PRKCA: variants seen among roughly 807,000 people sequenced by gnomAD.
The protein encoded by PRKCA is protein kinase C alpha type.
Under a neutral mutation model 87.0 loss-of-function variants are expected in PRKCA, and 27 were observed. That is an observed-to-expected ratio of 0.31 (90% confidence interval 0.23 to 0.43). The LOEUF (loss-of-function observed/expected upper bound fraction) is 0.43, where lower values mean the gene tolerates loss of function less well. PRKCA is among the 20% of genes least tolerant of loss of function. The pLI is 1.00. For synonymous variants in PRKCA, 329 were observed against 311.1 expected, an observed-to-expected ratio of 1.06 and a Z score of -0.61; for missense variants, 518 against 852.3, an observed-to-expected ratio of 0.61 and a Z score of 4.88.
intron 3 of PRKCA, among the ~76,000 whole-genome samples, chr17:66,501,039 A>G (rs781432708): frequency 1.3e-5 from 2 of 152,118 alleles, no homozygotes; most frequent in Non-Finnish European, 2.9e-5. Flanking sequence ...TGAGCTTGGC[A>G]GACTCTAACA....
rs1976101917 is a variant in PRKCA at position 66,808,802 on chromosome 17, C to T, written c.*4765C>T. ...CTCGGCTCACTGCAACCTCCACCTCCCAGGTTCAAGCGATTCTCCTGCCTC... is the reference window on the plus strand; with the variant it reads ...CTCGGCTCACTGCAACCTCCACCTCTCAGGTTCAAGCGATTCTCCTGCCTC... On this transcript the variant is annotated 3_prime_UTR_variant, in exon 17 of 17. Coordinates refer to ENST00000413366, the MANE Select transcript of PRKCA (RefSeq NM_002737.3). The T allele has an allele frequency of 6.6e-6, 1 of 152,452 alleles. No homozygotes were observed. The highest frequency in any genetic ancestry group is 2.1e-4 in the South Asian group (1 of 4,828). The allele number at this position is 152,452 out of a possible 1,614,324, so 9.4% of individuals were successfully genotyped here. A position where few individuals can be genotyped will look rare whatever the true frequency, so the allele number is the denominator to read the frequency against.
At position 66,473,801 on chromosome 17, in the gene PRKCA, G is replaced by A. The variant is rs1026954198; in HGVS notation, c.206-22400G>A. Among the ~76,000 whole-genome samples the A allele has an allele frequency of 3.3e-5, 5 of 152,102 alleles. No homozygotes were observed. In the South Asian group the frequency reaches 1.0e-3, roughly 32 times the overall value. The stretch of plus-strand genomic sequence containing the variant: ...AATACAAAATCAGCTGGGCATGGTG[G>A]CACATGCCTGTAATCCTAGCTACTC... On this transcript the variant is annotated intron_variant, in intron 2 of 16. Coordinates refer to ENST00000413366, the MANE Select transcript of PRKCA (RefSeq NM_002737.3).
intron 8 of PRKCA, among the ~76,000 whole-genome samples, chr17:66,704,159 T>TAAAAAAAAAA (rs60117629): frequency 7.1e-6 from 1 of 140,904 alleles, no homozygotes. Context: ...TCAGCAAAGT[T>TAAAAAAAAAA]AAAAAAAAAA....
intron 2 of PRKCA, among the ~76,000 whole-genome samples, chr17:66,406,085 C>A (rs1911354018): frequency 6.6e-6 from 1 of 152,184 alleles, no homozygotes; most frequent in Admixed American, 6.5e-5. Context: ...GTGATGGGAG[C>A]TGGCAGAAGC....
At chr17:66,398,838 T>C (rs1910839934) in intron 2 of PRKCA, among the ~76,000 whole-genome samples, 2 of 152,238 alleles carry the variant, frequency 1.3e-5, no homozygotes, top group African/African-American at 4.8e-5. Context: ...ATCCTGCTGC[T>C]GCTAAAAGCT....
At chr17:66,732,184 T>G (rs570321970) in intron 8 of PRKCA, among the ~76,000 whole-genome samples, 2 of 151,356 alleles carry the variant, frequency 1.3e-5, no homozygotes, top group Non-Finnish European at 2.9e-5. Context: ...AAAATAGCGA[T>G]GAATCATCCC....
At chr17:66,782,746 G>A (rs989193246) in intron 14 of PRKCA, among the ~76,000 whole-genome samples, 4 of 152,196 alleles carry the variant, frequency 2.6e-5, no homozygotes, top group Non-Finnish European at 5.9e-5. Context: ...TACATGCTGG[G>A]TGGGGCTGTA....
At chr17:66,322,608 A>G (rs1283282337) in intron 2 of PRKCA, among the ~76,000 whole-genome samples, 1 of 150,886 alleles carries the variant, frequency 6.6e-6, no homozygotes, top group African/African-American at 2.4e-5. Context: ...GACCACAGGC[A>G]GCTCTCACCG....
chr17:66,563,980 TTCC>T (rs1323620017), intron 3 of PRKCA, among the ~76,000 whole-genome samples: 6 of 143,600 alleles, frequency 4.2e-5, no homozygotes, highest in African/African-American at 7.9e-5. Context: ...CCTTCCTTCC[TTCC>T]TTCCTTCCTT....
chr17:66,458,299 T>C (rs1352206319), intron 2 of PRKCA, among the ~76,000 whole-genome samples: 1 of 152,148 alleles, frequency 6.6e-6, no homozygotes, highest in Non-Finnish European at 1.5e-5. Flanking sequence ...GCCATTGAAA[T>C]AAAGTTATAT....
At chr17:66,536,261 A>G (rs1469018694) in intron 3 of PRKCA, among the ~76,000 whole-genome samples, 1 of 152,212 alleles carries the variant, frequency 6.6e-6, no homozygotes, top group African/African-American at 2.4e-5. Context: ...TTCCTGGTGT[A>G]AGTTCAGAAC....
Position 66,418,296 on chromosome 17 carries a change from T to C in PRKCA, c.206-77905T>C, listed in dbSNP as rs187030008. On this transcript the variant is annotated intron_variant, in intron 2 of 16. Transcript: ENST00000413366. Reference sequence around the variant, plus strand: ...ATTTTATATTGACATTCTGTAGATATGTTTGAATACAGAAACTTGTTTTTA... The same window carrying C: ...ATTTTATATTGACATTCTGTAGATACGTTTGAATACAGAAACTTGTTTTTA... Among the ~76,000 whole-genome samples, 9 of 152,328 alleles carry C rather than the reference T, an allele frequency of 5.9e-5. No homozygotes were observed. In the East Asian group the frequency reaches 1.3e-3, roughly 23 times the overall value.
intron 13 of PRKCA, among the ~76,000 whole-genome samples, chr17:66,767,424 A>G (rs1406756103): frequency 2.0e-5 from 3 of 152,182 alleles, no homozygotes; most frequent in Non-Finnish European, 4.4e-5. Context: ...TGTAGTGGGT[A>G]CAACCTGCAT....
chr17:66,373,394 G>A (rs956663487), intron 2 of PRKCA, among the ~76,000 whole-genome samples: 1 of 152,112 alleles, frequency 6.6e-6, no homozygotes, highest in South Asian at 2.1e-4. Flanking sequence ...GTCCAAGGTC[G>A]TACAGCCTGT....
intron 16 of PRKCA, chr17:66,796,843 G>T (rs1374290147): frequency 1.0e-6 from 1 of 985,412 alleles, no homozygotes; most frequent in Non-Finnish European, 1.2e-6. Context: ...GAATACAAGT[G>T]AGGGTTCCCC....
At chr17:66,561,092 C>CA (rs2143299446) in intron 3 of PRKCA, among the ~76,000 whole-genome samples, 1 of 152,312 alleles carries the variant, frequency 6.6e-6, no homozygotes, top group African/African-American at 2.4e-5. Flanking sequence ...ACCAGAGCTA[C>CA]AGTTTTCCAC....
chr17:66,437,844 T>C (rs1913491259), intron 2 of PRKCA, among the ~76,000 whole-genome samples: 1 of 151,708 alleles, frequency 6.6e-6, no homozygotes, highest in Admixed American at 6.6e-5. Flanking sequence ...TCCGTCTCTG[T>C]TTCTGCTTAG....
At chr17:66,351,001 A>G (rs1218879484) in intron 2 of PRKCA, among the ~76,000 whole-genome samples, 3 of 152,234 alleles carry the variant, frequency 2.0e-5, no homozygotes, top group Admixed American at 6.5e-5. Context: ...CATGGACTGC[A>G]GTACAATGTA....
intron 2 of PRKCA, among the ~76,000 whole-genome samples, chr17:66,379,449 C>A (rs890986853): frequency 3.9e-5 from 6 of 152,064 alleles, no homozygotes; most frequent in African/African-American, 1.4e-4. Context: ...ATTGGGTTGT[C>A]TTTTTATTGT....
Sources: allele counts gnomAD v4.1 joint callset (sites outside exome capture counted in the v4.1 genomes callset), GRCh38; gene constraint gnomAD v4.1.1; transcripts MANE v1.5; gene names NCBI Gene and HGNC (gene_info 2026-07-23, HGNC 2026-07-21).